CCT5: variants seen among roughly 807,000 people sequenced by gnomAD.
CCT5 encodes chaperonin containing TCP1 subunit 5, also known as T-complex protein 1 subunit epsilon.
A neutral mutation model predicts 55.0 loss-of-function variants in CCT5; 6 were observed. The observed-to-expected ratio is 0.11, with a 90% CI of 0.06 to 0.22. The LOEUF (loss-of-function observed/expected upper bound fraction) is 0.22, where lower values mean the gene tolerates loss of function less well. Ranked by LOEUF, CCT5 falls within the 10% of genes least tolerant of loss-of-function variation. The pLI is 1.00. For synonymous variants in CCT5, 231 were observed against 243.7 expected, an observed-to-expected ratio of 0.95 and a Z score of 0.49; for missense variants, 560 against 694.6, an observed-to-expected ratio of 0.81 and a Z score of 2.18.
At chr5:10,258,748 C>T (rs1027983239) in intron 6 of CCT5, among the ~76,000 whole-genome samples, 5 of 152,202 alleles carry the variant, frequency 3.3e-5, no homozygotes, top group African/African-American at 1.2e-4. Flanking sequence ...GCCTATAATC[C>T]CAGCACTTTG....
chr5:10,264,511 A>G, intron 10 of CCT5, 145 bp from the exon 11 acceptor site: 1 of 685,406 alleles, frequency 1.5e-6, no homozygotes, highest in Non-Finnish European at 2.7e-6. Flanking sequence ...AAAATGAAAT[A>G]TAACTGAAAT....
chr5:10,264,456 C>T (rs1027376745), intron 10 of CCT5, 200 bp from the exon 11 acceptor site: 11 of 549,060 alleles, frequency 2.0e-5, no homozygotes, highest in African/African-American at 3.8e-5. Flanking sequence ...TTACCAGGTG[C>T]GAGTTCCAGA....
intron 8 of CCT5, 108 bp from the exon 9 acceptor site, chr5:10,262,373 T>C: frequency 2.5e-6 from 3 of 1,203,064 alleles, no homozygotes; most frequent in Non-Finnish European, 3.7e-6. Flanking sequence ...GTGGAGGCCA[T>C]CTAAATATTA....
At chr5:10,260,963 G>T (rs1209765835) in intron 7 of CCT5, 52 bp downstream of exon 7, 1 of 1,595,618 alleles carries the variant, frequency 6.3e-7, no homozygotes, top group Non-Finnish European at 8.6e-7. Flanking sequence ...CATCTTATGT[G>T]TTGAGGGGTG....
At chr5:10,255,776 C>T (rs78949334) in intron 3 of CCT5, among the ~76,000 whole-genome samples, 179 bp from the exon 4 acceptor site, 1,562 of 152,268 alleles carry the variant, frequency 0.01, 24 homozygotes, top group African/African-American at 0.036. Flanking sequence ...CCTATTCGAC[C>T]TTCGCTAGAA....
rs749310473 is a variant in CCT5 at position 10,262,500 on chromosome 5, G to T, written c.1199G>T (p.Arg400Leu). 9.3e-6 allele frequency: 15 copies of T among 1,614,066 alleles called. No homozygotes were observed. Among genetic ancestry groups the T allele is most frequent in the South Asian group, 6.6e-5 (6 of 91,080 alleles). The change falls in exon 9 of 11, where the codon CGA becomes CTA. Residue 400 changes from arginine to leucine, a missense_variant. Arg to Leu is a moderately radical substitution (Grantham distance 102). Transcript: ENST00000280326. ...CCTTAGATCATTGAGGAGGCGAAACGATCCCTTCACGATGCTTTGTGTGTC... is the reference window on the plus strand; with the variant it reads ...CCTTAGATCATTGAGGAGGCGAAACTATCCCTTCACGATGCTTTGTGTGTC... Reference protein sequence around the residue: ...GNKMIIEEAKRSLHDALCVIR... With the variant: ...GNKMIIEEAKLSLHDALCVIR...
In CCT5 at chr5:10,250,421, T is replaced by C; in HGVS notation, c.81T>C (p.Arg27=). 2 of 1,613,794 alleles carry C rather than the reference T, an allele frequency of 1.2e-6. No individual in the cohort carries two copies. Among genetic ancestry groups the C allele is most frequent in the Non-Finnish European group, 8.5e-7 (1 of 1,180,038 alleles). ...TCAAGGATCAGGACCGCAAGTCCCG[T>C]CTTATGGGACTTGAGGCCCTCAAGG... is the stretch of plus-strand genomic sequence containing the variant. The part of the protein sequence containing the change: ...LIIKDQDRKS[R]LMGLEALKSH... Residue 27 remains arginine, a synonymous_variant, in exon 1 of 11, where the codon CGT becomes CGC. Coordinates refer to ENST00000280326, the MANE Select transcript of CCT5 (RefSeq NM_012073.5).
chr5:10,264,860 AT>A lies in CCT5; in HGVS notation c.*80del. 1.9e-6 allele frequency: 3 copies of A among 1,573,480 alleles called. No homozygotes were observed. Among genetic ancestry groups the A allele is most frequent in the Non-Finnish European group, 2.6e-6 (3 of 1,146,756 alleles). On this transcript the variant is annotated 3_prime_UTR_variant, in exon 11 of 11. Transcript: ENST00000280326. ...GATGTCTCGTGATGCATCTACAGTT[AT>A]TTATTGTTACATCCTTTTCCAGACA...
Position 10,250,371 on chromosome 5 carries a change from G to T in CCT5, c.31G>T (p.Glu11Ter), listed in dbSNP as rs1450714601. Residue 11 changes from glutamate (E) to a stop codon, truncating the protein, a stop_gained, in exon 1 of 11, where the codon GAA becomes TAA. Transcript: ENST00000280326. LOFTEE classifies it high-confidence loss of function. MASMGTLAFD[E>*]YGRPFLIIKD... Reference sequence around the variant, plus strand: ...GTCCATGGGGACCCTCGCCTTCGATGAATATGGGCGCCCTTTCCTCATCAT... The same window carrying T: ...GTCCATGGGGACCCTCGCCTTCGATTAATATGGGCGCCCTTTCCTCATCAT... 6.2e-7 allele frequency: 1 copy of T among 1,614,160 alleles called. No individual in the cohort carries two copies. The highest frequency in any genetic ancestry group is 2.2e-5 in the East Asian group (1 of 44,882).
intron 10 of CCT5, among the ~76,000 whole-genome samples, chr5:10,264,306 T>C (rs752222179): frequency 2.6e-5 from 4 of 152,168 alleles, no homozygotes; most frequent in South Asian, 2.1e-4. Context: ...CTTGGAAATA[T>C]CTTACATTTC....
upstream of CCT5, chr5:10,250,030 C>G (rs1168197392): frequency 1.3e-6 from 2 of 1,539,776 alleles, no homozygotes; most frequent in Admixed American, 2.0e-5. Flanking sequence ...GACCCACTAT[C>G]GAGAAACTAT....
At chr5:10,249,928 A>ACC, upstream of CCT5, 1 of 883,186 alleles carries the variant, frequency 1.1e-6, no homozygotes, top group Admixed American at 7.2e-5. Flanking sequence ...AAAAAAAAAA[A>ACC]AAAAAACCGG....
Position 10,250,312 on chromosome 5 carries a change from T to G in CCT5, c.-29T>G. 3 of 1,613,716 alleles carry G rather than the reference T, an allele frequency of 1.9e-6. No homozygotes were observed. Among genetic ancestry groups the G allele is most frequent in the Non-Finnish European group, 2.5e-6 (3 of 1,179,990 alleles). On this transcript the variant is annotated 5_prime_UTR_variant, in exon 1 of 11. Transcript: ENST00000280326. ...CGCTTCCGTAGCGGTCTCCGCCGGTTGGGGGGAAGTAATTCCGGTTGTTGC... is the reference window on the plus strand; with the variant it reads ...CGCTTCCGTAGCGGTCTCCGCCGGTGGGGGGGAAGTAATTCCGGTTGTTGC...
At position 10,258,379 on chromosome 5, in the gene CCT5, C is replaced by T. The variant is rs1391897393; in HGVS notation, c.724-7C>T. 3.1e-6 allele frequency: 5 copies of T among 1,614,062 alleles called. No individual in the cohort carries two copies. The highest frequency in any genetic ancestry group is 4.2e-6 in the Non-Finnish European group (5 of 1,180,020). ...ACCAATTAAAATGTCTTTATGTTCC[C>T]CCATAGAAAGTGGAAGATGCGAAGA... On this transcript the variant is annotated splice_polypyrimidine_tract_variant and splice_region_variant and intron_variant, in intron 5 of 10. Coordinates refer to ENST00000280326, the MANE Select transcript of CCT5 (RefSeq NM_012073.5).
chr5:10,262,059 GT>G (rs1051461573), intron 8 of CCT5: 18 of 403,886 alleles, frequency 4.5e-5, no homozygotes, highest in African/African-American at 3.5e-4. Flanking sequence ...TACATTAGGG[GT>G]TGGTTAAACT....
In CCT5 at chr5:10,254,139, C is replaced by G. The variant is rs201641048; in HGVS notation, c.106-6C>G. On this transcript the variant is annotated splice_polypyrimidine_tract_variant and splice_region_variant and intron_variant, in intron 1 of 10. Coordinates refer to ENST00000280326, the MANE Select transcript of CCT5 (RefSeq NM_012073.5). ...CAGTGTTTGCTTTTTCTGTTTGTTT[C>G]ATTAGTCTCATATAATGGCAGCAAA... 1.9e-6 allele frequency: 3 copies of G among 1,597,356 alleles called. No homozygotes were observed. The highest frequency in any genetic ancestry group is 2.2e-5 in the East Asian group (1 of 44,770).
rs192259197 is a variant in CCT5, at chr5:10,259,996, G to A, written c.874-796G>A. 3.0e-3 allele frequency among the ~76,000 whole-genome samples: 454 copies of A among 152,354 alleles called. 1 individual carries two copies. Among genetic ancestry groups the A allele is most frequent in the Admixed American group, 4.4e-3 (67 of 15,306 alleles). Reference sequence around the variant, plus strand: ...TTCTGAGCATGTGAGAGGGAAAGCAGCTGCCATCTGAGGAGGGTTGCAGGG... The same window carrying A: ...TTCTGAGCATGTGAGAGGGAAAGCAACTGCCATCTGAGGAGGGTTGCAGGG... On this transcript the variant is annotated intron_variant, in intron 6 of 10. Coordinates refer to ENST00000280326, the MANE Select transcript of CCT5 (RefSeq NM_012073.5).
intron 1 of CCT5, among the ~76,000 whole-genome samples, chr5:10,251,314 TC>T (rs1745397652): frequency 6.6e-6 from 1 of 152,150 alleles, no homozygotes; most frequent in East Asian, 1.9e-4. Flanking sequence ...GAGCTGCACT[TC>T]AGGCAGCAAA....
At chr5:10,250,637 T>C in intron 1 of CCT5, 192 bp downstream of exon 1, 10 of 1,426,628 alleles carry the variant, frequency 7.0e-6, no homozygotes, top group Non-Finnish European at 9.1e-6. Flanking sequence ...AATCCTGGGC[T>C]CGGAATGTGG....
Sources: allele counts gnomAD v4.1 joint callset (sites outside exome capture counted in the v4.1 genomes callset), GRCh38; gene constraint gnomAD v4.1.1; transcripts MANE v1.5; gene names NCBI Gene and HGNC (gene_info 2026-07-23, HGNC 2026-07-21).